Variants in TRPC3 observed in about 807,000 individuals in gnomAD.
TRPC3 encodes transient receptor potential cation channel subfamily C member 3, also known as short transient receptor potential channel 3.
Under a neutral mutation model 90.9 loss-of-function variants are expected in TRPC3, and 54 were observed. The observed-to-expected ratio is 0.59, with a 90% CI of 0.48 to 0.75. The LOEUF (loss-of-function observed/expected upper bound fraction) is 0.75, where lower values mean the gene tolerates loss of function less well. TRPC3 is among the 30% of genes least tolerant of loss of function. TRPC3 has a pLI of 0.00. For synonymous variants in TRPC3, 424 were observed against 450.9 expected, an observed-to-expected ratio of 0.94 and a Z score of 0.75; for missense variants, 918 against 1,194.5, an observed-to-expected ratio of 0.77 and a Z score of 3.41.
At position 121,942,783 on chromosome 4, in the gene TRPC3, C is replaced by T. The variant is rs1048444742; in HGVS notation, c.215+8683G>A. On this transcript the variant is annotated intron_variant, in intron 1 of 11. Transcript: ENST00000379645. ...CAGCAGCTAAAACCAGAAAAGCAAA[C>T]AGCTACCTAACAGTGCATTGTTCCC... Among the ~76,000 whole-genome samples the T allele has an allele frequency of 2.6e-5, 4 of 152,160 alleles. No individual in the cohort carries two copies. In the South Asian group the frequency reaches 8.3e-4, roughly 32 times the overall value.
chr4:121,891,901 A>G (rs1728342012), intron 10 of TRPC3, among the ~76,000 whole-genome samples: 1 of 152,156 alleles, frequency 6.6e-6, no homozygotes, highest in East Asian at 1.9e-4. Flanking sequence ...CCTTTGAGCC[A>G]CTCATCACTG....
At chr4:121,922,674 C>A (rs539554867) in intron 3 of TRPC3, among the ~76,000 whole-genome samples, 4 of 152,272 alleles carry the variant, frequency 2.6e-5, no homozygotes, top group African/African-American at 9.6e-5. Context: ...TGATAAAAAA[C>A]CAGTGACAAT....
chr4:121,936,986 A>G (rs889235789), intron 1 of TRPC3, among the ~76,000 whole-genome samples: 50 of 152,170 alleles, frequency 3.3e-4, no homozygotes, highest in African/African-American at 1.2e-3. Context: ...AGCAGATGAA[A>G]GGCTCTTCTG....
At chr4:121,916,370 G>A (rs1007361054) in intron 3 of TRPC3, among the ~76,000 whole-genome samples, 2 of 152,184 alleles carry the variant, frequency 1.3e-5, no homozygotes, top group Non-Finnish European at 2.9e-5. Flanking sequence ...AGCTGCCTCC[G>A]CATCACCATA....
At chr4:121,910,109 A>G (rs1422153739) in intron 6 of TRPC3, 45 bp downstream of exon 6, 4 of 1,541,588 alleles carry the variant, frequency 2.6e-6, no homozygotes, top group African/African-American at 2.7e-5. Flanking sequence ...TGTGGTTCCA[A>G]TACCTTTCCC....
chr4:121,921,926 T>G (rs559911951), intron 3 of TRPC3, among the ~76,000 whole-genome samples: 4,158 of 148,630 alleles, frequency 0.028, 80 homozygotes, highest in Middle Eastern at 0.048. Flanking sequence ...TTTGTTTTTT[T>G]TTTTTTTTTC....
chr4:121,904,192 G>T, intron 8 of TRPC3, 130 bp downstream of exon 8: 2 of 731,310 alleles, frequency 2.7e-6, no homozygotes, highest in Non-Finnish European at 4.3e-6. Context: ...ACAGGGAAAG[G>T]CTCAGGCTCT....
chr4:121,929,073 T>A (rs1049110003), intron 2 of TRPC3, among the ~76,000 whole-genome samples: 1 of 152,208 alleles, frequency 6.6e-6, no homozygotes, highest in Admixed American at 6.5e-5. Flanking sequence ...GCTTAGAATG[T>A]GTTTGGTACA....
chr4:121,919,035 A>G (rs1264264616), intron 3 of TRPC3, among the ~76,000 whole-genome samples: 1 of 152,234 alleles, frequency 6.6e-6, no homozygotes, highest in Non-Finnish European at 1.5e-5. Flanking sequence ...TTGAAGTCAT[A>G]ACAAAAATAA....
At chr4:121,884,487 C>T (rs1197240942) in intron 10 of TRPC3, among the ~76,000 whole-genome samples, 1 of 151,822 alleles carries the variant, frequency 6.6e-6, no homozygotes, top group Non-Finnish European at 1.5e-5. Flanking sequence ...AAGCATGTAA[C>T]AAATGTTGTA....
At chr4:121,901,816 C>T (rs1025304435) in intron 9 of TRPC3, among the ~76,000 whole-genome samples, 4 of 152,142 alleles carry the variant, frequency 2.6e-5, no homozygotes, top group African/African-American at 9.7e-5. Flanking sequence ...TCTTCTTTGT[C>T]TTATACTGCT....
Position 121,899,780 on chromosome 4 carries a change from A to C in TRPC3, c.2464-85T>G. On this transcript the variant is annotated intron_variant, in intron 9 of 11. Coordinates refer to ENST00000379645, the MANE Select transcript of TRPC3 (RefSeq NM_001130698.2). ...TAATCCATTTATTCTCCTTGATAAC[A>C]TTTCTGGAGTCAACATTCCCAAGAA... 3 of 1,044,972 alleles carry C rather than the reference A, an allele frequency of 2.9e-6. No homozygotes were observed. The East Asian group carries it at 7.6e-5, about 26-fold the overall frequency. The allele number at this position is 1,044,972 out of a possible 1,614,324, so 64.7% of individuals were successfully genotyped here.
intron 5 of TRPC3, among the ~76,000 whole-genome samples, chr4:121,910,658 G>C (rs902379044): frequency 1.3e-5 from 2 of 152,164 alleles, no homozygotes; most frequent in Non-Finnish European, 2.9e-5. Flanking sequence ...ATTCATGAGA[G>C]GAGGTGGTGG....
Position 121,932,368 on chromosome 4 carries a change from G to A in TRPC3, c.890C>T (p.Pro297Leu). 6.2e-7 allele frequency: 1 copy of A among 1,614,134 alleles called. No individual in the cohort carries two copies. Among genetic ancestry groups the A allele is most frequent in the East Asian group, 2.2e-5 (1 of 44,872 alleles). ...CTCGCTGGACAATGAGAGGTAAGCC[G>A]GGCTGGCCAGCCCCTTGTAGGCATT... is the stretch of plus-strand genomic sequence containing the variant. ...RINAYKGLASPAYLSLSSEDP... is the reference protein window; with the variant it reads ...RINAYKGLASLAYLSLSSEDP... The change falls in exon 2 of 12, where the codon CCG (proline) becomes CTG (leucine). Residue 297 changes from proline (P) to leucine (L), a missense_variant. Physicochemically the swap from Pro to Leu is moderately conservative, Grantham distance 98. Transcript: ENST00000379645. This position sits in a 1 kb window ranked among gnomAD's most constrained non-coding sequence, Gnocchi z 7.7.
rs1180919237 is a variant in TRPC3, at chr4:121,899,687, G to A, written c.2472C>T (p.Leu824=). 1 of 1,612,262 alleles carries A rather than the reference G, an allele frequency of 6.2e-7. No homozygotes were observed. Among genetic ancestry groups the A allele is most frequent in the Non-Finnish European group, 8.5e-7 (1 of 1,178,762 alleles). The change falls in exon 10 of 12, where the codon CTC becomes CTT. Residue 824 remains leucine, a synonymous_variant. Transcript: ENST00000379645. The stretch of plus-strand genomic sequence containing the variant: ...AAACTCTTGAGTTAGACTGAGTGAA[G>A]AGGTTTAACTAGGAAAAAATACAAT... ...GMGNSKSRLN[L]FTQSNSRVFE... is the part of the protein sequence containing the mutation.
chr4:121,905,346 A>G (rs1248101944), intron 7 of TRPC3, among the ~76,000 whole-genome samples: 1 of 152,090 alleles, frequency 6.6e-6, no homozygotes, highest in African/African-American at 2.4e-5. Flanking sequence ...TATCATAGGA[A>G]CACATTACCT....
intron 2 of TRPC3, among the ~76,000 whole-genome samples, chr4:121,931,909 T>C (rs906490704): frequency 2.0e-5 from 3 of 152,158 alleles, no homozygotes; most frequent in Non-Finnish European, 4.4e-5. Flanking sequence ...TGTGCTACCA[T>C]GCAACTAACT....
intron 10 of TRPC3, among the ~76,000 whole-genome samples, chr4:121,893,413 G>A (rs940593631): frequency 6.6e-6 from 1 of 152,072 alleles, no homozygotes; most frequent in African/African-American, 2.4e-5. Flanking sequence ...CAATAGAAAA[G>A]ATAGATTATT....
chr4:121,882,278 A>T (rs1727970144), intron 11 of TRPC3, 76 bp downstream of exon 11: 2 of 1,338,284 alleles, frequency 1.5e-6, no homozygotes, highest in African/African-American at 3.0e-5. Flanking sequence ...GATTTTTAAA[A>T]TATGCCTCAA....
Sources: gnomAD v4.1 joint callset for allele counts (sites outside exome capture counted in the v4.1 genomes callset) on GRCh38, gnomAD v4.1.1 for gene constraint, Gnocchi (gnomAD v3.1) non-coding constraint, MANE v1.5 for transcripts, NCBI Gene and HGNC (gene_info 2026-07-23, HGNC 2026-07-21) for gene names.